CNBD1: variants seen among roughly 807,000 people sequenced by gnomAD.
CNBD1 encodes cyclic nucleotide-binding domain-containing protein 1.
Under a neutral mutation model 54.4 loss-of-function variants are expected in CNBD1, and 71 were observed. The ratio of observed to expected loss-of-function variants is 1.30; its 90% CI spans 1.08 to 1.59. CNBD1 has a LOEUF of 1.59. Ranked by LOEUF, CNBD1 falls within the 40% of genes most tolerant of loss-of-function variation. CNBD1 has a pLI of 0.00. For synonymous variants in CNBD1, 182 were observed against 170.7 expected (o/e 1.07, Z -0.51); for missense variants, 659 against 518.0 (o/e 1.27, Z -2.64).
At chr8:86,972,340 T>C (rs1012224818) in intron 4 of CNBD1, among the ~76,000 whole-genome samples, 4 of 152,216 alleles carry the variant, frequency 2.6e-5, no homozygotes, top group Non-Finnish European at 4.4e-5. Context: ...ATGCTTCTAG[T>C]GATTTACCAT....
At chr8:86,902,134 A>G (rs1030720300) in intron 2 of CNBD1, among the ~76,000 whole-genome samples, 1 of 152,158 alleles carries the variant, frequency 6.6e-6, no homozygotes, top group Non-Finnish European at 1.5e-5. Flanking sequence ...GTGATTTTAT[A>G]TCTACCTTAA....
At chr8:87,071,077 A>G (rs577135660) in intron 4 of CNBD1, among the ~76,000 whole-genome samples, 1 of 152,196 alleles carries the variant, frequency 6.6e-6, no homozygotes, top group Admixed American at 6.5e-5. Context: ...AAAAAAGGCA[A>G]AGAACTTCTG....
chr8:87,122,245 A>G (rs1811905180), intron 4 of CNBD1, among the ~76,000 whole-genome samples: 1 of 151,770 alleles, frequency 6.6e-6, no homozygotes, highest in Non-Finnish European at 1.5e-5. Flanking sequence ...CATCTTTTTG[A>G]TAAAAGCCAT....
chr8:87,283,385 G>C (rs1195390842), intron 6 of CNBD1, among the ~76,000 whole-genome samples: 3 of 151,692 alleles, frequency 2.0e-5, no homozygotes, highest in Non-Finnish European at 2.9e-5. Flanking sequence ...CATTTGTGTG[G>C]CTTGTAATTT....
At chr8:86,912,427 A>C (rs1261004453) in intron 3 of CNBD1, among the ~76,000 whole-genome samples, 1 of 152,192 alleles carries the variant, frequency 6.6e-6, no homozygotes, top group Non-Finnish European at 1.5e-5. Context: ...AGTGGATCAC[A>C]TATACCATGG....
chr8:86,900,065 G>A (rs1460649861), intron 2 of CNBD1, among the ~76,000 whole-genome samples: 1 of 152,080 alleles, frequency 6.6e-6, no homozygotes, highest in African/African-American at 2.4e-5. Flanking sequence ...CCTTTCATAA[G>A]ACCAATAATG....
chr8:86,981,444 C>A (rs770324001), intron 4 of CNBD1, among the ~76,000 whole-genome samples: 2 of 152,110 alleles, frequency 1.3e-5, no homozygotes, highest in Non-Finnish European at 2.9e-5. Flanking sequence ...TGGTCTTTAA[C>A]CTAAGAATTA....
At chr8:87,317,061 TATCTC>T (rs1167197424) in intron 8 of CNBD1, among the ~76,000 whole-genome samples, 4 of 151,788 alleles carry the variant, frequency 2.6e-5, no homozygotes, top group African/African-American at 7.2e-5. Flanking sequence ...TAATGATACT[TATCTC>T]AGAGGGTTGT....
chr8:87,307,703 A>C (rs1291950790), intron 8 of CNBD1, among the ~76,000 whole-genome samples: 1 of 150,932 alleles, frequency 6.6e-6, no homozygotes, highest in Non-Finnish European at 1.5e-5. Context: ...GTGCCATTGC[A>C]TTCCAGCCTG....
At chr8:87,006,072 A>T (rs1414651519) in intron 4 of CNBD1, among the ~76,000 whole-genome samples, 1 of 152,206 alleles carries the variant, frequency 6.6e-6, no homozygotes, top group Non-Finnish European at 1.5e-5. Context: ...CATTGAGGCC[A>T]TCTTGGTCAA....
rs182902140 is a variant in CNBD1 at position 86,904,266 on chromosome 8, T to C, written c.159-815T>C. Among the ~76,000 whole-genome samples, 233 of 152,186 alleles carry C rather than the reference T, an allele frequency of 1.5e-3. No homozygotes were observed. The Middle Eastern group carries it at 0.017, about 11-fold the overall frequency. On this transcript the variant is annotated intron_variant, in intron 2 of 10. Transcript: ENST00000518476. ...CAGTGTTCAATTTGAAGTATGATAA[T>C]TTTTTATAATTATTGAAATAAGCTC...
intron 5 of CNBD1, among the ~76,000 whole-genome samples, chr8:87,216,223 T>C (rs995323712): frequency 6.6e-6 from 1 of 152,204 alleles, no homozygotes; most frequent in African/African-American, 2.4e-5. Flanking sequence ...TTTCTTTTAA[T>C]AAATTTGTTT....
At chr8:87,085,256 A>T (rs1811073759) in intron 4 of CNBD1, among the ~76,000 whole-genome samples, 1 of 152,104 alleles carries the variant, frequency 6.6e-6, no homozygotes, top group African/African-American at 2.4e-5. Context: ...TGCATTAATC[A>T]TATGGATCAT....
intron 4 of CNBD1, among the ~76,000 whole-genome samples, chr8:87,092,385 G>GTA (rs1269273670): frequency 6.7e-6 from 1 of 149,462 alleles, no homozygotes; most frequent in Non-Finnish European, 1.5e-5. Context: ...GTGTGTGTGT[G>GTA]TATATATATG....
At chr8:86,875,608 G>A (rs187094930) in intron 1 of CNBD1, among the ~76,000 whole-genome samples, 69 of 151,948 alleles carry the variant, frequency 4.5e-4, no homozygotes, top group Non-Finnish European at 9.0e-4. Flanking sequence ...TTATTAAATT[G>A]TGTCCTTTGG....
intron 4 of CNBD1, among the ~76,000 whole-genome samples, chr8:87,077,101 A>G (rs74808958): frequency 0.032 from 4,849 of 152,258 alleles, 267 homozygotes; most frequent in African/African-American, 0.11. Context: ...GTAGTGTCTC[A>G]GAAGAGGGAG....
chr8:87,100,705 C>T (rs1232699736), intron 4 of CNBD1, among the ~76,000 whole-genome samples: 1 of 152,138 alleles, frequency 6.6e-6, no homozygotes, highest in East Asian at 1.9e-4. Context: ...GAATTCTTGT[C>T]TTCAAGTGAT....
rs548780355 is a variant in CNBD1, at chr8:87,163,222, A to G, written c.432-42771A>G. 6.6e-6 allele frequency among the ~76,000 whole-genome samples: 1 copy of G among 152,212 alleles called. No homozygotes were observed. Among genetic ancestry groups the G allele is most frequent in the South Asian group, 2.1e-4 (1 of 4,832 alleles). On this transcript the variant is annotated intron_variant, in intron 4 of 10. Transcript: ENST00000518476. This position sits in a 1 kb window ranked among gnomAD's most constrained non-coding sequence, Gnocchi z 4.5. ...TTAATAACATCTCATTTCTGAGATAAGCTTTGTAACATAATTTGAAATCAG... is the reference window on the plus strand; with the variant it reads ...TTAATAACATCTCATTTCTGAGATAGGCTTTGTAACATAATTTGAAATCAG...
chr8:87,360,636 G>T (rs1810506933), intron 10 of CNBD1, among the ~76,000 whole-genome samples: 1 of 151,830 alleles, frequency 6.6e-6, no homozygotes, highest in South Asian at 2.1e-4. Context: ...ATTAGAACAA[G>T]TGTACTACTT....
Sources: gnomAD v4.1 joint callset for allele counts (sites outside exome capture counted in the v4.1 genomes callset) on GRCh38, gnomAD v4.1.1 for gene constraint, Gnocchi (gnomAD v3.1) non-coding constraint, MANE v1.5 for transcripts, NCBI Gene and HGNC (gene_info 2026-07-23, HGNC 2026-07-21) for gene names.